FSCB: variants seen among roughly 807,000 people sequenced by gnomAD.
FSCB encodes fibrous sheath CABYR-binding protein.
For missense variants in FSCB, 975 were observed against 934.8 expected, an observed-to-expected ratio of 1.04 and a Z score of -0.56; for synonymous variants, 331 against 336.6, an observed-to-expected ratio of 0.98 and a Z score of 0.18.
Position 44,504,656 on chromosome 14 carries a change from A to G in FSCB, c.2332T>C (p.Leu778=), listed in dbSNP as rs1395918471. Residue 778 remains leucine, a synonymous_variant, in exon 1 of 1, where the codon TTG becomes CTG. Transcript: ENST00000340446. ...IPAVKLGSVV[L]EGEAKFEEVS... is the part of the protein sequence containing the mutation. The stretch of plus-strand genomic sequence containing the variant: ...TCTTCAAATTTTGCTTCACCTTCCA[A>G]AACAACCGATCCTAATTTTACTGCT... 6.2e-7 allele frequency: 1 copy of G among 1,614,198 alleles called. No homozygotes were observed. Among genetic ancestry groups the G allele is most frequent in the Admixed American group, 1.7e-5 (1 of 60,026 alleles).
Position 44,504,692 on chromosome 14 carries a change from C to T in FSCB, c.2296G>A (p.Ala766Thr), listed in dbSNP as rs1246242313. ...VSTEFQSPQV[A>T]GIPAVKLGSV... ...CCTAATTTTACTGCTGGAATTCCTG[C>T]CACCTGCGGTGACTGAAATTCTGTA... The change falls in exon 1 of 1, where the codon GCA becomes ACA. Residue 766 changes from alanine (A) to threonine (T), a missense_variant. Physicochemically the swap from Ala to Thr is moderately conservative, Grantham distance 58. Coordinates refer to ENST00000340446, the MANE Select transcript of FSCB (RefSeq NM_032135.4). The T allele has an allele frequency of 1.2e-5, 20 of 1,614,040 alleles. No homozygotes were observed. Among genetic ancestry groups the T allele is most frequent in the Non-Finnish European group, 1.7e-5 (20 of 1,180,048 alleles).
rs370125808 is a variant in FSCB, at chr14:44,506,850, A to G, written c.138T>C (p.Tyr46=). ...GSKGSYSAKA[Y]ESIRVSSELQ... ...GCTCAGAAGATACTCTAATAGACTC[A>G]TAGGCTTTGGCAGAGTAGCTGCCTT... The change falls in exon 1 of 1, where the codon TAT becomes TAC. Residue 46 remains tyrosine, a synonymous_variant. Coordinates refer to ENST00000340446, the MANE Select transcript of FSCB (RefSeq NM_032135.4). 3 of 1,613,844 alleles carry G rather than the reference A, an allele frequency of 1.9e-6. No individual in the cohort carries two copies. The highest frequency in any genetic ancestry group is 1.3e-5 in the African/African-American group (1 of 74,930).
In FSCB at chr14:44,504,764, G is replaced by A. The variant is rs752113455; in HGVS notation, c.2224C>T (p.Pro742Ser). The change falls in exon 1 of 1, where the codon CCA (proline) becomes TCA (serine). Residue 742 changes from proline to serine, a missense_variant. Pro to Ser is a moderately conservative substitution (Grantham distance 74). Coordinates refer to ENST00000340446, the MANE Select transcript of FSCB (RefSeq NM_032135.4). ...TCATCTTCAGGGGTTTGTTCAGATGGTGGAGGTGAAACTTCAGCAGAGGCC... is the reference window on the plus strand; with the variant it reads ...TCATCTTCAGGGGTTTGTTCAGATGATGGAGGTGAAACTTCAGCAGAGGCC... The part of the protein sequence containing the change: ...GEASAEVSPP[P>S]SEQTPEDEAL... 1 of 1,614,066 alleles carries A rather than the reference G, an allele frequency of 6.2e-7. No homozygotes were observed. The highest frequency in any genetic ancestry group is 1.3e-5 in the African/African-American group (1 of 74,942).
rs8008803 is a variant in FSCB at position 44,504,934 on chromosome 14, A to G, written c.2054T>C (p.Leu685Pro). Reference protein sequence around the residue: ...AEEAPAEVQSLPAEETPIEET... With the variant: ...AEEAPAEVQSPPAEETPIEET... ...TTCTATAGGAGTCTCCTCAGCTGGT[A>G]GAGACTGAACTTCAGCAGGGGCCTC... is the stretch of plus-strand genomic sequence containing the variant. Residue 685 changes from leucine to proline, a missense_variant, in exon 1 of 1, where the codon CTA becomes CCA. Transcript: ENST00000340446. The G allele has an allele frequency of 1.1e-3, 1,748 of 1,605,628 alleles. 13 individuals are homozygous for G. The African/African-American group carries it at 0.022, about 21-fold the overall frequency.
rs11621923 is a variant in FSCB, at chr14:44,504,986, C to T, written c.2002G>A (p.Ala668Thr). ...VQPPPAEEAP[A>T]EVQPPPAEEA... Reference sequence around the variant, plus strand: ...TCAGCTGGTGGAGGCTGAACTTCAGCGGGGGCCTCCTCAGCTGGTGGAGGC... The same window carrying T: ...TCAGCTGGTGGAGGCTGAACTTCAGTGGGGGCCTCCTCAGCTGGTGGAGGC... The change falls in exon 1 of 1, where the codon GCT becomes ACT. Residue 668 changes from alanine to threonine, a missense_variant. Transcript: ENST00000340446. 1.1e-5 allele frequency: 9 copies of T among 798,982 alleles called. No individual in the cohort carries two copies. Among genetic ancestry groups the T allele is most frequent in the African/African-American group, 1.1e-4 (6 of 55,292 alleles). 49.5% of individuals were successfully genotyped at this position (798,982 alleles called of 1,614,324 possible).
At position 44,506,381 on chromosome 14, in the gene FSCB, T is replaced by C. The variant is rs756927626; in HGVS notation, c.607A>G (p.Asn203Asp). The C allele has an allele frequency of 8.1e-6, 13 of 1,614,190 alleles. No homozygotes were observed. The East Asian group carries it at 2.2e-4, about 28-fold the overall frequency. ...SEHPEFQPAT[N>D]SNEEIGQKNI... ...TTCTGCCCAATTTCTTCATTGCTGT[T>C]TGTTGCTGGTTGAAATTCAGGGTGT... The change falls in exon 1 of 1, where the codon AAC (asparagine) becomes GAC (aspartate). Residue 203 changes from asparagine to aspartate, a missense_variant. Physicochemically the swap from Asn to Asp is conservative, Grantham distance 23. Transcript: ENST00000340446.
In FSCB at chr14:44,505,471, G is replaced by T. The variant is rs145232784; in HGVS notation, c.1517C>A (p.Ala506Asp). ...TTCAGCTAATGGAGATTGAACTTCA[G>T]CATGAGCCTCTTCTGCAGAAGTCTC... ...SEETSAEEAH[A>D]EVQSPLAEET... Residue 506 changes from alanine (A) to aspartate (D), a missense_variant, in exon 1 of 1, where the codon GCT (alanine) becomes GAT (aspartate). Coordinates refer to ENST00000340446, the MANE Select transcript of FSCB (RefSeq NM_032135.4). The T allele has an allele frequency of 1.1e-5, 18 of 1,612,180 alleles. No individual in the cohort carries two copies. In the African/African-American group the frequency reaches 2.3e-4, roughly 20 times the overall value.
Position 44,507,077 on chromosome 14 carries a change from G to C in FSCB, c.-90C>G, listed in dbSNP as rs548381970. ...TCATCACTTTCTTCCATTTCTAAGA[G>C]TAGTGATTTCAAACTTATTAATTTT... On this transcript the variant is annotated 5_prime_UTR_variant, in exon 1 of 1. Transcript: ENST00000340446. 173 of 1,009,120 alleles carry C rather than the reference G, an allele frequency of 1.7e-4. 1 individual carries two copies. In the African/African-American group the frequency reaches 2.3e-3, roughly 13 times the overall value. 62.5% of individuals were successfully genotyped at this position (1,009,120 alleles called of 1,614,324 possible). A position where few individuals can be genotyped will look rare whatever the true frequency, so the allele number is the denominator to read the frequency against.
Position 44,507,102 on chromosome 14 carries a change from T to C in FSCB, c.-115A>G. The C allele has an allele frequency of 1.2e-6, 1 of 850,016 alleles. No homozygotes were observed. The highest frequency in any genetic ancestry group is 1.8e-6 in the Non-Finnish European group (1 of 549,248). 52.7% of individuals were successfully genotyped at this position (850,016 alleles called of 1,614,324 possible). ...GTAGTGATTTCAAACTTATTAATTTTCAAGTAATGACCAAAAATCACAAAC... is the reference window on the plus strand; with the variant it reads ...GTAGTGATTTCAAACTTATTAATTTCCAAGTAATGACCAAAAATCACAAAC... On this transcript the variant is annotated 5_prime_UTR_variant, in exon 1 of 1. Coordinates refer to ENST00000340446, the MANE Select transcript of FSCB (RefSeq NM_032135.4).
rs1654588418 is a variant in FSCB at position 44,506,431 on chromosome 14, G to A, written c.557C>T (p.Ser186Leu). 1.2e-6 allele frequency: 2 copies of A among 1,614,118 alleles called. No homozygotes were observed. Among genetic ancestry groups the A allele is most frequent in the Non-Finnish European group, 1.7e-6 (2 of 1,180,028 alleles). Reference sequence around the variant, plus strand: ...TTCACTAGCAAAAATCTTTCCCGACGATTTATGTTTCAGGGCATCTTCCTT... The same window carrying A: ...TTCACTAGCAAAAATCTTTCCCGACAATTTATGTTTCAGGGCATCTTCCTT... ...KSKEDALKHK[S>L]SGKIFASEHP... The change falls in exon 1 of 1, where the codon TCG (serine) becomes TTG (leucine). Residue 186 changes from serine to leucine, a missense_variant. Ser to Leu is a moderately radical substitution (Grantham distance 145, BLOSUM62 -2). Coordinates refer to ENST00000340446, the MANE Select transcript of FSCB (RefSeq NM_032135.4).
chr14:44,506,628 G>A lies in FSCB; in HGVS notation c.360C>T (p.Asn120=), dbSNP rs758608988. 3.1e-6 allele frequency: 5 copies of A among 1,614,148 alleles called. No homozygotes were observed. The highest frequency in any genetic ancestry group is 4.2e-6 in the Non-Finnish European group (5 of 1,180,008). Reference sequence around the variant, plus strand: ...CCATTTTTAGTTGAACTGAAGGTATGTTTGGTGGAATTTCTACATCCTGAA... The same window carrying A: ...CCATTTTTAGTTGAACTGAAGGTATATTTGGTGGAATTTCTACATCCTGAA... The part of the protein sequence containing the change: ...ESVQDVEIPP[N]IPSVQLKMDR... Residue 120 remains asparagine, a synonymous_variant, in exon 1 of 1, where the codon AAC becomes AAT. Coordinates refer to ENST00000340446, the MANE Select transcript of FSCB (RefSeq NM_032135.4).
rs1209458740 is a variant in FSCB at position 44,505,709 on chromosome 14, G to A, written c.1279C>T (p.Leu427=). The stretch of plus-strand genomic sequence containing the variant: ...TCTCTAGGAGCCTCTTCAGGTAATA[G>A]AGGCTGAACATCAGCAAGGGTCTCT... ...VEETLADVQP[L]LPEEAPREEA... is the part of the protein sequence containing the mutation. The change falls in exon 1 of 1, where the codon CTA becomes TTA. Residue 427 remains leucine (L), a synonymous_variant. Transcript: ENST00000340446. 3 of 1,613,468 alleles carry A rather than the reference G, an allele frequency of 1.9e-6. No individual in the cohort carries two copies. The highest frequency in any genetic ancestry group is 2.2e-5 in the East Asian group (1 of 44,890).
In FSCB at chr14:44,505,401, T is replaced by C. The variant is rs1275964210; in HGVS notation, c.1587A>G (p.Ala529=). 2 of 1,612,396 alleles carry C rather than the reference T, an allele frequency of 1.2e-6. No homozygotes were observed. The change falls in exon 1 of 1, where the codon GCA becomes GCG. Residue 529 remains alanine, a synonymous_variant. Coordinates refer to ENST00000340446, the MANE Select transcript of FSCB (RefSeq NM_032135.4). ...EEASAEIQLL[A]AIEAPADETP... is the part of the protein sequence containing the mutation. The stretch of plus-strand genomic sequence containing the variant: ...TTTCATCTGCAGGAGCCTCTATAGC[T>C]GCTAGAAGCTGAATTTCAGCAGAGG...
In FSCB at chr14:44,504,597, C is replaced by G. The variant is rs1881015852; in HGVS notation, c.2391G>C (p.Leu797Phe). 1 of 1,614,002 alleles carries G rather than the reference C, an allele frequency of 6.2e-7. No individual in the cohort carries two copies. ...GAGCCTGTCCATCATTGGTATTAGACAAATCTTTAAGGACAGAATTGATTT... is the reference window on the plus strand; with the variant it reads ...GAGCCTGTCCATCATTGGTATTAGAGAAATCTTTAAGGACAGAATTGATTT... ...VSKINSVLKD[L>F]SNTNDGQAPT... is the part of the protein sequence containing the mutation. The change falls in exon 1 of 1, where the codon TTG (leucine) becomes TTC (phenylalanine). Residue 797 changes from leucine (L) to phenylalanine (F), a missense_variant. Transcript: ENST00000340446.
chr14:44,504,930 T>C lies in FSCB; in HGVS notation c.2058A>G (p.Pro686=), dbSNP rs1423342361. ...TCTCTTCTATAGGAGTCTCCTCAGC[T>C]GGTAGAGACTGAACTTCAGCAGGGG... The part of the protein sequence containing the change: ...EEAPAEVQSL[P]AEETPIEETL... Residue 686 remains proline, a synonymous_variant, in exon 1 of 1, where the codon CCA becomes CCG. Transcript: ENST00000340446. 6.2e-7 allele frequency: 1 copy of C among 1,609,564 alleles called. No homozygotes were observed. The highest frequency in any genetic ancestry group is 8.5e-7 in the Non-Finnish European group (1 of 1,179,950).
rs780913296 is a variant in FSCB at position 44,506,419 on chromosome 14, A to C, written c.569T>G (p.Ile190Ser). 1.2e-6 allele frequency: 2 copies of C among 1,614,126 alleles called. No homozygotes were observed. The highest frequency in any genetic ancestry group is 1.7e-6 in the Non-Finnish European group (2 of 1,180,028). The part of the protein sequence containing the change: ...DALKHKSSGK[I>S]FASEHPEFQP... ...AAATTCAGGGTGTTCACTAGCAAAA[A>C]TCTTTCCCGACGATTTATGTTTCAG... is the stretch of plus-strand genomic sequence containing the variant. Residue 190 changes from isoleucine to serine, a missense_variant, in exon 1 of 1, where the codon ATT becomes AGT. Transcript: ENST00000340446.
Position 44,506,270 on chromosome 14 carries a change from C to G in FSCB, c.718G>C (p.Val240Leu). Residue 240 changes from valine (V) to leucine (L), a missense_variant, in exon 1 of 1, where the codon GTA (valine) becomes CTA (leucine). Val to Leu is a conservative substitution (Grantham distance 32, BLOSUM62 1). Coordinates refer to ENST00000340446, the MANE Select transcript of FSCB (RefSeq NM_032135.4). Reference protein sequence around the residue: ...LEDELREEVTVPVVQEGSAVK... With the variant: ...LEDELREEVTLPVVQEGSAVK... ...GCAGAACCTTCTTGTACAACAGGTA[C>G]AGTTACTTCTTCCCTAAGCTCATCT... The G allele has an allele frequency of 2.5e-6, 4 of 1,614,150 alleles. No homozygotes were observed. Among genetic ancestry groups the G allele is most frequent in the Non-Finnish European group, 3.4e-6 (4 of 1,180,004 alleles).
In FSCB at chr14:44,506,145, C is replaced by T. The variant is rs369534563; in HGVS notation, c.843G>A (p.Ala281=). The T allele has an allele frequency of 6.3e-5, 101 of 1,614,046 alleles. No individual in the cohort carries two copies. The East Asian group carries it at 9.8e-4, about 16-fold the overall frequency. Residue 281 remains alanine (A), a synonymous_variant, in exon 1 of 1, where the codon GCG becomes GCA. Coordinates refer to ENST00000340446, the MANE Select transcript of FSCB (RefSeq NM_032135.4). ...PPLVEEATAK[A]EPRPAEETHV... is the part of the protein sequence containing the mutation. ...GGGTCTCTTCAGCAGGTCTGGGCTC[C>T]GCTTTAGCAGTGGCCTCTTCAACTA...
At position 44,507,146 on chromosome 14, in the gene FSCB, T is replaced by C; in HGVS notation, c.-159A>G. 1.6e-6 allele frequency: 1 copy of C among 609,698 alleles called. No individual in the cohort carries two copies. Among genetic ancestry groups the C allele is most frequent in the Non-Finnish European group, 2.9e-6 (1 of 348,602 alleles). The allele number at this position is 609,698 out of a possible 1,614,324, so 37.8% of individuals were successfully genotyped here. A position where few individuals can be genotyped will look rare whatever the true frequency, so the allele number is the denominator to read the frequency against. ...CACAAACGTACCAAGTGTCAAAGAC[T>C]TTCCCTTTCTTAGGTGTCATTCTGT... On this transcript the variant is annotated 5_prime_UTR_variant, in exon 1 of 1. Transcript: ENST00000340446.
Sources: allele counts gnomAD v4.1 joint callset, GRCh38; gene constraint gnomAD v4.1.1; transcripts MANE v1.5; gene names NCBI Gene and HGNC (gene_info 2026-07-23, HGNC 2026-07-21).